Variants in MAGI2 observed in about 807,000 individuals in gnomAD.
MAGI2 encodes membrane-associated guanylate kinase, WW and PDZ domain-containing protein 2.
A neutral mutation model predicts 133.3 loss-of-function variants in MAGI2; 35 were observed. The observed-to-expected ratio is 0.26, with a 90% CI of 0.20 to 0.35. The LOEUF is 0.35. MAGI2 is among the 10% of genes least tolerant of loss of function. The probability of loss-of-function intolerance (pLI) is 1.00; values close to 1 mark genes in which losing one functional copy is unlikely to be tolerated. For missense variants in MAGI2, 1,636 were observed against 1,863.4 expected (o/e 0.88, Z 2.25); for synonymous variants, 729 against 710.6 (o/e 1.03, Z -0.41).
chr7:78,271,358 G>A (rs1246946809), intron 9 of MAGI2, among the ~76,000 whole-genome samples: 1 of 152,158 alleles, frequency 6.6e-6, no homozygotes, highest in Admixed American at 6.5e-5. Context: ...CGGTTTGCCA[G>A]TATTTTATTG....
intron 9 of MAGI2, among the ~76,000 whole-genome samples, chr7:78,324,455 G>T (rs1788373126): frequency 6.6e-6 from 1 of 152,148 alleles, no homozygotes. Flanking sequence ...CACACTGCTG[G>T]TGTGATCTTG....
At chr7:79,030,289 T>A (rs933909869) in intron 1 of MAGI2, 9 of 152,162 alleles carry the variant, frequency 5.9e-5, no homozygotes, top group African/African-American at 1.9e-4. Context: ...ACAGTGAAGA[T>A]GAGCATGGCC....
At chr7:78,896,230 A>G (rs1797203460) in intron 2 of MAGI2, among the ~76,000 whole-genome samples, 1 of 152,064 alleles carries the variant, frequency 6.6e-6, no homozygotes, top group African/African-American at 2.4e-5. Flanking sequence ...AATCTATTTC[A>G]CTTTCTATAT....
intron 1 of MAGI2, among the ~76,000 whole-genome samples, chr7:79,166,033 A>G (rs1300949869): frequency 6.6e-6 from 1 of 152,042 alleles, no homozygotes; most frequent in African/African-American, 2.4e-5. Flanking sequence ...GTTGGTTTGA[A>G]TCTCAAAAAA....
intron 1 of MAGI2, among the ~76,000 whole-genome samples, chr7:79,089,852 G>A (rs1334618274): frequency 6.6e-6 from 1 of 152,030 alleles, no homozygotes; most frequent in East Asian, 1.9e-4. Flanking sequence ...AGAAGGTGAG[G>A]GGCTAGAGGA....
intron 2 of MAGI2, among the ~76,000 whole-genome samples, chr7:78,891,542 G>T (rs1408439455): frequency 1.3e-5 from 2 of 152,126 alleles, no homozygotes; most frequent in Non-Finnish European, 2.9e-5. Flanking sequence ...GATCAAGTGG[G>T]CTTTATCCCT....
intron 21 of MAGI2, among the ~76,000 whole-genome samples, chr7:78,026,323 A>G (rs1025461047): frequency 2.6e-5 from 4 of 152,248 alleles, no homozygotes; most frequent in Non-Finnish European, 4.4e-5. Context: ...TTTATGATAT[A>G]TAACCAAAGT....
At chr7:78,354,773 GA>G (rs1243160939) in intron 7 of MAGI2, among the ~76,000 whole-genome samples, 1 of 151,964 alleles carries the variant, frequency 6.6e-6, no homozygotes, top group Non-Finnish European at 1.5e-5. Context: ...AAAAAATTAA[GA>G]AAAAAATACT....
intron 12 of MAGI2, among the ~76,000 whole-genome samples, chr7:78,191,312 T>C (rs989931539): frequency 6.6e-6 from 1 of 152,208 alleles, no homozygotes; most frequent in African/African-American, 2.4e-5. Context: ...ATTGTCTTGA[T>C]TGAATATGAA....
intron 7 of MAGI2, among the ~76,000 whole-genome samples, chr7:78,368,197 G>A (rs1268461423): frequency 6.6e-6 from 1 of 152,188 alleles, no homozygotes; most frequent in Admixed American, 6.5e-5. Flanking sequence ...CATTTTCAGT[G>A]CCAAGAATGG....
chr7:78,990,029 A>T (rs1225770327), intron 2 of MAGI2, among the ~76,000 whole-genome samples: 2 of 152,058 alleles, frequency 1.3e-5, no homozygotes, highest in Non-Finnish European at 2.9e-5. Context: ...CCTAAAATAC[A>T]TGTTTGTTTC....
chr7:78,219,458 TTTCTC>T (rs965883581), intron 10 of MAGI2, among the ~76,000 whole-genome samples: 1 of 152,178 alleles, frequency 6.6e-6, no homozygotes, highest in Non-Finnish European at 1.5e-5. Context: ...TGCACCCACT[TTTCTC>T]TTCTCACTGA....
At chr7:79,295,301 G>T (rs11980152) in intron 1 of MAGI2, among the ~76,000 whole-genome samples, 5,521 of 152,146 alleles carry the variant, frequency 0.036, 142 homozygotes, top group African/African-American at 0.067. Context: ...CCAGAGTTCA[G>T]ATAGTGAAGG....
intron 2 of MAGI2, among the ~76,000 whole-genome samples, chr7:78,675,708 A>G (rs1814947663): frequency 6.6e-6 from 1 of 152,148 alleles, no homozygotes; most frequent in Non-Finnish European, 1.5e-5. Flanking sequence ...TAGAAATTGT[A>G]AGGCACTAAA....
At chr7:79,375,282 C>G (rs186266998) in intron 1 of MAGI2, among the ~76,000 whole-genome samples, 1 of 151,840 alleles carries the variant, frequency 6.6e-6, no homozygotes, top group Non-Finnish European at 1.5e-5. Flanking sequence ...GGCATTAGGT[C>G]TCTAGATTGT....
intron 10 of MAGI2, among the ~76,000 whole-genome samples, chr7:78,220,178 CTA>C (rs1788670316): frequency 6.6e-6 from 1 of 152,224 alleles, no homozygotes; most frequent in Admixed American, 6.5e-5. Context: ...TGTGACAACT[CTA>C]TCTTTGCCCT....
chr7:78,210,338 G>T (rs1787649411), intron 10 of MAGI2, among the ~76,000 whole-genome samples: 1 of 152,148 alleles, frequency 6.6e-6, no homozygotes, highest in South Asian at 2.1e-4. Context: ...ATAGTCAAAA[G>T]ATACTCGGGA....
chr7:78,150,084 T>G (rs778944851), intron 16 of MAGI2, among the ~76,000 whole-genome samples: 19 of 152,204 alleles, frequency 1.2e-4, no homozygotes, highest in Admixed American at 2.6e-4. Context: ...ATTGCAAAAT[T>G]ATTGGTGGTC....
At chr7:78,733,258 C>T (rs1475310328) in intron 2 of MAGI2, among the ~76,000 whole-genome samples, 3 of 152,078 alleles carry the variant, frequency 2.0e-5, no homozygotes, top group South Asian at 2.1e-4. Context: ...TGCAAAATAT[C>T]GTAGAATATA....
Sources: allele counts gnomAD v4.1 joint callset (sites outside exome capture counted in the v4.1 genomes callset), GRCh38; gene constraint gnomAD v4.1.1; transcripts MANE v1.5; gene names NCBI Gene and HGNC (gene_info 2026-07-23, HGNC 2026-07-21).